The following ZNF521 variants were observed in gnomAD, a reference collection of about 807,000 sequenced individuals.
ZNF521 encodes the protein zinc finger protein 521, also known as LYST-interacting protein 3.
ZNF521 carries 14 observed loss-of-function variants against 105.5 expected under a neutral mutation model. The observed-to-expected ratio is 0.13, with a 90% CI of 0.09 to 0.21. The LOEUF (loss-of-function observed/expected upper bound fraction) is 0.21. ZNF521 is among the 10% of genes least tolerant of loss of function. The pLI is 1.00. For synonymous variants in ZNF521, 635 were observed against 606.0 expected, an observed-to-expected ratio of 1.05 and a Z score of -0.70; for missense variants, 1,233 against 1,629.7, an observed-to-expected ratio of 0.76 and a Z score of 4.19.
chr18:25,137,146 C>T (rs1229602118), intron 5 of ZNF521, among the ~76,000 whole-genome samples: 1 of 152,162 alleles, frequency 6.6e-6, no homozygotes, highest in Admixed American at 6.5e-5. Flanking sequence ...CTAAAACAGC[C>T]AAAATCTATA....
At chr18:25,076,619 A>C (rs963237467) in intron 7 of ZNF521, among the ~76,000 whole-genome samples, 1 of 152,210 alleles carries the variant, frequency 6.6e-6, no homozygotes, top group African/African-American at 2.4e-5. Flanking sequence ...GAATGAGCCA[A>C]TTCACTTACA....
chr18:25,172,146 T>A (rs1317667347), intron 5 of ZNF521, among the ~76,000 whole-genome samples: 1 of 152,134 alleles, frequency 6.6e-6, no homozygotes, highest in Non-Finnish European at 1.5e-5. Context: ...ATAGATATGC[T>A]AGAACATTTG....
intron 3 of ZNF521, among the ~76,000 whole-genome samples, chr18:25,259,983 G>C (rs1908797987): frequency 6.6e-6 from 1 of 152,196 alleles, no homozygotes; most frequent in African/African-American, 2.4e-5. Context: ...AGCAAACAAG[G>C]GGGAGGTTGG....
At chr18:25,349,537 G>T (rs528664941) in intron 2 of ZNF521, among the ~76,000 whole-genome samples, 17 of 152,308 alleles carry the variant, frequency 1.1e-4, no homozygotes, top group African/African-American at 3.4e-4. Flanking sequence ...GGAGAAGAAA[G>T]AAAGGGCTTT....
At position 25,195,232 on chromosome 18, in the gene ZNF521, G is replaced by C; in HGVS notation, c.3586C>G (p.Gln1196Glu). ...AAAACCATCTGACACTTGATGCATT[G>C]ATAGGTCTTCTTCTGAGAAAACAAG... ...PSQSDEKKTYQCIKCQMVFYN... is the reference protein window; with the variant it reads ...PSQSDEKKTYECIKCQMVFYN... The change falls in exon 5 of 8, where the codon CAA becomes GAA. Residue 1196 changes from glutamine to glutamate, a missense_variant. Around this residue, in one of 6 missense-constraint regions of ZNF521, gnomAD observed 76 missense variants for 137.2 expected, o/e 0.55. Coordinates refer to ENST00000361524, the MANE Select transcript of ZNF521 (RefSeq NM_015461.3). 1 of 1,593,006 alleles carries C rather than the reference G, an allele frequency of 6.3e-7. No homozygotes were observed. The highest frequency in any genetic ancestry group is 8.5e-7 in the Non-Finnish European group (1 of 1,171,410).
intron 5 of ZNF521, among the ~76,000 whole-genome samples, chr18:25,185,178 T>C (rs182481460): frequency 7.9e-5 from 12 of 152,288 alleles, no homozygotes; most frequent in African/African-American, 2.9e-4. Context: ...GGATGGGCAA[T>C]AGTTGACCAT....
intron 3 of ZNF521, among the ~76,000 whole-genome samples, chr18:25,238,988 G>C (rs1185851385): frequency 6.6e-6 from 1 of 152,136 alleles, no homozygotes; most frequent in African/African-American, 2.4e-5. Flanking sequence ...CTTGCTTGAA[G>C]TTTGCTGCAC....
chr18:25,099,308 T>C (rs545791027), intron 5 of ZNF521, among the ~76,000 whole-genome samples: 2 of 152,308 alleles, frequency 1.3e-5, no homozygotes, highest in African/African-American at 2.4e-5. Flanking sequence ...AAAATTTTGC[T>C]CCGTTCCCTT....
At chr18:25,075,912 G>A (rs2033350258) in intron 7 of ZNF521, among the ~76,000 whole-genome samples, 1 of 152,172 alleles carries the variant, frequency 6.6e-6, no homozygotes, top group African/African-American at 2.4e-5. Context: ...AATGCAGTGT[G>A]TGTCAGAACA....
At chr18:25,348,661 A>G (rs1914567815) in intron 2 of ZNF521, among the ~76,000 whole-genome samples, 1 of 150,930 alleles carries the variant, frequency 6.6e-6, no homozygotes, top group Non-Finnish European at 1.5e-5. Context: ...CTTTGTTTTT[A>G]GTGTAAATAT....
At chr18:25,272,349 T>C (rs2144946785) in intron 3 of ZNF521, among the ~76,000 whole-genome samples, 1 of 152,282 alleles carries the variant, frequency 6.6e-6, no homozygotes, top group South Asian at 2.1e-4. Flanking sequence ...TGGAAGACAG[T>C]GTAGCGATTC....
At chr18:25,171,148 A>C (rs1567993191) in intron 5 of ZNF521, among the ~76,000 whole-genome samples, 1 of 152,158 alleles carries the variant, frequency 6.6e-6, no homozygotes, top group African/African-American at 2.4e-5. Flanking sequence ...TGAGCATTAT[A>C]AACAAAACAA....
chr18:25,278,213 G>A (rs1316002737), intron 3 of ZNF521, among the ~76,000 whole-genome samples: 1 of 152,138 alleles, frequency 6.6e-6, no homozygotes, highest in African/African-American at 2.4e-5. Context: ...TCTGCAACTT[G>A]TATTTTGAAT....
chr18:25,349,777 G>A (rs1228513546), intron 2 of ZNF521, among the ~76,000 whole-genome samples: 1 of 150,394 alleles, frequency 6.6e-6, no homozygotes, highest in Non-Finnish European at 1.5e-5. Context: ...GACCTCGGCG[G>A]GACCCAGCGG....
At position 25,079,662 on chromosome 18, in the gene ZNF521, AC is replaced by A. The variant is rs1156959337; in HGVS notation, c.3906+9802del. ...GAGAAGACAGCTAGGAAGTGAGCGC[AC>A]AGATGGTGGGGGGGACGCAGGGTGC... is the stretch of plus-strand genomic sequence containing the variant. On this transcript the variant is annotated intron_variant, in intron 7 of 7. Coordinates refer to ENST00000361524, the MANE Select transcript of ZNF521 (RefSeq NM_015461.3). Among the ~76,000 whole-genome samples, 3 of 142,932 alleles carry A rather than the reference AC, an allele frequency of 2.1e-5. No individual in the cohort carries two copies. In the East Asian group the frequency reaches 5.8e-4, roughly 28 times the overall value. 93.8% of individuals were successfully genotyped at this position (142,932 alleles called of 152,430 possible).
intron 3 of ZNF521, among the ~76,000 whole-genome samples, chr18:25,295,214 T>C (rs1600270448): frequency 1.3e-5 from 2 of 152,276 alleles, no homozygotes; most frequent in East Asian, 3.9e-4. Flanking sequence ...ACAGTATAAT[T>C]TAGTTTTGCC....
chr18:25,283,788 T>A (rs1420166650), intron 3 of ZNF521, among the ~76,000 whole-genome samples: 1 of 152,168 alleles, frequency 6.6e-6, no homozygotes, highest in Non-Finnish European at 1.5e-5. Context: ...AACCTTATTA[T>A]AATTTGCCAA....
intron 4 of ZNF521, chr18:25,201,805 T>C (rs2035997794): frequency 6.6e-6 from 1 of 152,184 alleles, no homozygotes; most frequent in South Asian, 2.1e-4. Flanking sequence ...TGCTGTATAG[T>C]TAGTTGTGTG....
intron 5 of ZNF521, among the ~76,000 whole-genome samples, chr18:25,168,162 C>T (rs947138978): frequency 3.3e-5 from 5 of 152,036 alleles, no homozygotes; most frequent in Admixed American, 6.5e-5. Context: ...CCCTGTGGCC[C>T]GTCCCTCTAG....
Sources: allele counts gnomAD v4.1 joint callset (sites outside exome capture counted in the v4.1 genomes callset), GRCh38; gene constraint gnomAD v4.1.1; regional missense constraint gnomAD v4.1.1; transcripts MANE v1.5; gene names NCBI Gene and HGNC (gene_info 2026-07-23, HGNC 2026-07-21).